The following TJP2 variants were observed in gnomAD, a reference collection of about 807,000 sequenced individuals.
TJP2 encodes the protein Friedreich ataxia region gene X104 (tight junction protein ZO-2).
In TJP2, 91 loss-of-function variants were observed where a neutral mutation model predicts 133.1. The observed-to-expected ratio is 0.68, with a 90% CI of 0.58 to 0.81. The LOEUF is 0.81. TJP2 is among the 40% of genes least tolerant of loss of function. The probability of loss-of-function intolerance (pLI) is 0.00; values close to 1 mark genes in which losing one functional copy is unlikely to be tolerated. For missense variants in TJP2, 1,541 were observed against 1,565.6 expected (o/e 0.98, Z 0.26); for synonymous variants, 592 against 583.4 (o/e 1.01, Z -0.21).
chr9:69,218,549 C>T (rs905581015), intron 4 of TJP2, 190 bp downstream of exon 4: 13 of 625,630 alleles, frequency 2.1e-5, no homozygotes, highest in Non-Finnish European at 3.8e-5. Flanking sequence ...CTTGTGTCTT[C>T]TCCTGAGGCC....
chr9:69,230,289 G>T, intron 11 of TJP2, 57 bp downstream of exon 11: 1 of 1,609,322 alleles, frequency 6.2e-7, no homozygotes, highest in African/African-American at 1.3e-5. Flanking sequence ...CACTTTTCTG[G>T]GTGTTCTTTC....
chr9:69,194,755 T>C (rs1826431238), intron 1 of TJP2, among the ~76,000 whole-genome samples: 1 of 152,166 alleles, frequency 6.6e-6, no homozygotes, highest in Non-Finnish European at 1.5e-5. Context: ...ATTAATCACA[T>C]AGGGGCTCTA....
intron 1 of TJP2, among the ~76,000 whole-genome samples, chr9:69,195,879 T>C (rs1404461936): frequency 1.3e-5 from 2 of 152,280 alleles, no homozygotes; most frequent in East Asian, 3.8e-4. Flanking sequence ...ATAGCTATCA[T>C]GCTTGTGAAG....
At chr9:69,167,992 C>T (rs1482952638) in intron 2 of TJP2, among the ~76,000 whole-genome samples, 1 of 152,092 alleles carries the variant, frequency 6.6e-6, no homozygotes, top group Non-Finnish European at 1.5e-5. Flanking sequence ...TACTGTTGCA[C>T]CAACCTAAAA....
chr9:69,139,843 A>C (rs528169551), intron 1 of TJP2, among the ~76,000 whole-genome samples: 2 of 152,104 alleles, frequency 1.3e-5, no homozygotes, highest in Admixed American at 6.6e-5. Flanking sequence ...TAGCAGGACA[A>C]AGTTCCTCCA....
chr9:69,225,557 A>G, intron 6 of TJP2, 150 bp downstream of exon 6: 1 of 661,822 alleles, frequency 1.5e-6, no homozygotes, highest in East Asian at 2.8e-5. Flanking sequence ...GACGATTTTT[A>G]TCAGAAAAAC....
chr9:69,222,991 C>T (rs1382768554), intron 5 of TJP2, among the ~76,000 whole-genome samples: 17 of 150,234 alleles, frequency 1.1e-4, no homozygotes, highest in Admixed American at 1.1e-3. Context: ...ATAGCTTGAA[C>T]CCCAAGGGGC....
intron 2 of TJP2, among the ~76,000 whole-genome samples, chr9:69,155,477 G>A (rs1178429230): frequency 6.6e-6 from 1 of 152,232 alleles, no homozygotes; most frequent in Non-Finnish European, 1.5e-5. Flanking sequence ...ACGGATTCCT[G>A]GGCCCCACCC....
intron 3 of TJP2, among the ~76,000 whole-genome samples, chr9:69,217,093 A>G (rs892286825): frequency 4.0e-5 from 6 of 150,664 alleles, no homozygotes; most frequent in Admixed American, 3.3e-4. Context: ...AGTTCAAGCA[A>G]TTCTCTTCTG....
chr9:69,251,473 C>G, intron 21 of TJP2, 109 bp downstream of exon 21: 2 of 1,196,084 alleles, frequency 1.7e-6, no homozygotes, highest in Admixed American at 4.0e-5. Flanking sequence ...CAGGGATGCA[C>G]TGCACCAAAG....
At chr9:69,177,058 C>T (rs1825148278) in intron 1 of TJP2, among the ~76,000 whole-genome samples, 1 of 152,144 alleles carries the variant, frequency 6.6e-6, no homozygotes. Flanking sequence ...CCAGGGAATT[C>T]CTTGCCTCAT....
chr9:69,251,747 CAGAA>C (rs559188162), intron 21 of TJP2, among the ~76,000 whole-genome samples: 62 of 152,184 alleles, frequency 4.1e-4, no homozygotes, highest in African/African-American at 1.4e-3. Context: ...GGTGCTAAAA[CAGAA>C]AGGCCCATAG....
intron 5 of TJP2, among the ~76,000 whole-genome samples, chr9:69,224,848 A>G (rs553000298): frequency 4.9e-4 from 74 of 150,154 alleles, no homozygotes; most frequent in Non-Finnish European, 8.1e-4. Flanking sequence ...GTTTTTTGGT[A>G]CTATTTAAGT....
intron 1 of TJP2, among the ~76,000 whole-genome samples, chr9:69,187,205 A>C (rs1158311308): frequency 6.6e-6 from 1 of 152,188 alleles, no homozygotes; most frequent in Non-Finnish European, 1.5e-5. Flanking sequence ...TGGGGGAAAA[A>C]CATCTCATTT....
At position 69,236,893 on chromosome 9, in the gene TJP2, G is replaced by C; in HGVS notation, c.1992-56G>C. 2 of 1,568,086 alleles carry C rather than the reference G, an allele frequency of 1.3e-6. 1 individual carries two copies. The highest frequency in any genetic ancestry group is 2.2e-5 in the South Asian group (2 of 90,060). ...ATTGACTGGATTTGATTAATGAAAT[G>C]CATGTTAGCTGCGTTTTCTGGCTTT... is the stretch of plus-strand genomic sequence containing the variant. On this transcript the variant is annotated intron_variant, in intron 13 of 22. Transcript: ENST00000377245.
Position 69,239,994 on chromosome 9 carries a change from C to G in TJP2, c.2413C>G (p.Gln805Glu). 6.2e-7 allele frequency: 1 copy of G among 1,614,154 alleles called. No homozygotes were observed. The highest frequency in any genetic ancestry group is 8.5e-7 in the Non-Finnish European group (1 of 1,180,020). Residue 805 changes from glutamine to glutamate, a missense_variant, in exon 17 of 23, where the codon CAG becomes GAG. Gln to Glu is a conservative substitution (Grantham distance 29). Coordinates refer to ENST00000377245, the MANE Select transcript of TJP2 (RefSeq NM_004817.4). ...AGCTGTGGACCTGTTGAATTACACC[C>G]AGTGGTTCCCAATTGTGATTTTTTT... ...PKAVDLLNYT[Q>E]WFPIVIFFNP...
chr9:69,195,910 G>A (rs1588025696), intron 1 of TJP2, among the ~76,000 whole-genome samples: 1 of 152,210 alleles, frequency 6.6e-6, no homozygotes, highest in Admixed American at 6.5e-5. Flanking sequence ...TTGTCAGAGT[G>A]ATTGAATCCA....
At chr9:69,249,580 G>C in intron 20 of TJP2, 95 bp downstream of exon 20, 3 of 1,546,846 alleles carry the variant, frequency 1.9e-6, no homozygotes, top group African/African-American at 2.7e-5. Context: ...CACTGAGATG[G>C]TGTTTAATTA....
In TJP2 at chr9:69,254,354, T is replaced by TA. The variant is rs1246381128; in HGVS notation, c.3554dup (p.Tyr1185Ter). ...CGGTTACTATGGCCAGTCTGCCCGA[T>TA]ACCGGGACACAGAATTATAGATGTC... ...KRGYYGQSAR[Y>*]RDTEL Residue 1185 changes from tyrosine to a stop codon, truncating the protein, a stop_gained and frameshift_variant, in exon 23 of 23, where the codon TAC becomes TAAC. Transcript: ENST00000377245. LOFTEE classifies it high-confidence loss of function. 2 of 1,614,196 alleles carry TA rather than the reference T, an allele frequency of 1.2e-6. No homozygotes were observed. Among genetic ancestry groups the TA allele is most frequent in the East Asian group, 4.5e-5 (2 of 44,876 alleles).
Sources: allele counts gnomAD v4.1 joint callset (sites outside exome capture counted in the v4.1 genomes callset), GRCh38; gene constraint gnomAD v4.1.1; transcripts MANE v1.5; gene names NCBI Gene and HGNC (gene_info 2026-07-23, HGNC 2026-07-21).